The following COL26A1 variants were observed in gnomAD, a reference collection of about 807,000 sequenced individuals.
The protein encoded by COL26A1 is collagen type XXVI alpha 1 chain, also known as collagen alpha-1(XXVI) chain.
COL26A1 carries 41 observed loss-of-function variants against 59.3 expected under a neutral mutation model. That is an observed-to-expected ratio of 0.69 (90% CI 0.54 to 0.90). The LOEUF is 0.90. Ranked by LOEUF, COL26A1 falls within the 40% of genes least tolerant of loss-of-function variation. The probability of loss-of-function intolerance (pLI) is 0.00; values close to 1 mark genes in which losing one functional copy is unlikely to be tolerated. For synonymous variants in COL26A1, 266 were observed against 256.0 expected, an observed-to-expected ratio of 1.04 and a Z score of -0.37; for missense variants, 612 against 602.3, an observed-to-expected ratio of 1.02 and a Z score of -0.17.
intron 3 of COL26A1, 74 bp downstream of exon 3, chr7:101,447,861 C>A: frequency 1.2e-6 from 1 of 866,896 alleles, no homozygotes; most frequent in Non-Finnish European, 1.9e-6. Context: ...CTCTGGCCTC[C>A]TCCTGCAAGC....
At chr7:101,494,309 T>C (rs1794534818) in intron 3 of COL26A1, among the ~76,000 whole-genome samples, 1 of 152,060 alleles carries the variant, frequency 6.6e-6, no homozygotes, top group Non-Finnish European at 1.5e-5. Flanking sequence ...GTATTTTTAG[T>C]AGGGATAGGG....
intron 1 of COL26A1, among the ~76,000 whole-genome samples, chr7:101,382,926 C>T (rs1238689742): frequency 6.6e-6 from 1 of 152,170 alleles, no homozygotes; most frequent in Non-Finnish European, 1.5e-5. Flanking sequence ...CCTGTAATCC[C>T]AGCTACTCTG....
chr7:101,485,782 G>C (rs1794254914), intron 3 of COL26A1, among the ~76,000 whole-genome samples: 1 of 152,140 alleles, frequency 6.6e-6, no homozygotes, highest in Non-Finnish European at 1.5e-5. Flanking sequence ...GGAGGCAGAG[G>C]GCTGAGATGA....
intron 3 of COL26A1, among the ~76,000 whole-genome samples, chr7:101,510,581 C>G (rs1794901035): frequency 6.6e-6 from 1 of 152,140 alleles, no homozygotes; most frequent in Non-Finnish European, 1.5e-5. Context: ...GAGTCAGGCT[C>G]ACTGCAGCCT....
chr7:101,463,885 CTTTCTTTCTTTCTTTCTT>C lies in COL26A1; in HGVS notation c.385+16108_385+16125del, dbSNP rs755592145. On this transcript the variant is annotated intron_variant, in intron 3 of 12. Coordinates refer to ENST00000313669, the MANE Select transcript of COL26A1 (RefSeq NM_001278563.3). The stretch of plus-strand genomic sequence containing the variant: ...TCTTTTTTCTTTTCTTTCTTTCTTT[CTTTCTTTCTTTCTTTCTT>C]TTTCTTTCTCTCTTTCTTTCTTCTT... 3.9e-3 allele frequency among the ~76,000 whole-genome samples: 275 copies of C among 71,274 alleles called. 1 individual carries two copies. The highest frequency in any genetic ancestry group is 5.8e-3 in the Non-Finnish European group (218 of 37,358). 46.8% of individuals were successfully genotyped at this position (71,274 alleles called of 152,430 possible).
At chr7:101,427,297 A>G (rs1792671902) in intron 2 of COL26A1, among the ~76,000 whole-genome samples, 1 of 152,166 alleles carries the variant, frequency 6.6e-6, no homozygotes, top group South Asian at 2.1e-4. Flanking sequence ...TCCTGGCCTC[A>G]AGTGGCCATT....
intron 3 of COL26A1, among the ~76,000 whole-genome samples, chr7:101,476,621 C>T (rs1419954405): frequency 6.6e-6 from 1 of 151,278 alleles, no homozygotes; most frequent in Non-Finnish European, 1.5e-5. Context: ...GATCTCGGCT[C>T]ACTGCAAGCT....
At chr7:101,504,838 T>C (rs1467503004) in intron 3 of COL26A1, among the ~76,000 whole-genome samples, 5 of 152,108 alleles carry the variant, frequency 3.3e-5, no homozygotes, top group Non-Finnish European at 7.4e-5. Flanking sequence ...TGTGTGTGTG[T>C]ATGCCTGTGT....
At chr7:101,547,091 G>C in intron 7 of COL26A1, 65 bp from the exon 8 acceptor site, 1 of 1,221,608 alleles carries the variant, frequency 8.2e-7, no homozygotes, top group Non-Finnish European at 1.2e-6. Flanking sequence ...CAGTGCCCCG[G>C]ACCAGCCTCC....
intron 1 of COL26A1, among the ~76,000 whole-genome samples, chr7:101,385,244 TATATATAC>T (rs1791539467): frequency 6.9e-6 from 1 of 145,658 alleles, no homozygotes; most frequent in African/African-American, 2.5e-5. Context: ...TATATATATA[TATATATAC>T]ACACACACAC....
chr7:101,504,318 C>G (rs1404439939), intron 3 of COL26A1, among the ~76,000 whole-genome samples: 5 of 152,148 alleles, frequency 3.3e-5, no homozygotes, highest in Non-Finnish European at 7.3e-5. Context: ...CCAGGCTGCT[C>G]TCAAACTCCT....
chr7:101,401,969 G>A (rs1792018982), intron 1 of COL26A1, among the ~76,000 whole-genome samples: 1 of 152,098 alleles, frequency 6.6e-6, no homozygotes, highest in Admixed American at 6.6e-5. Context: ...AGGAAGAAAT[G>A]TCAGACTTGG....
chr7:101,394,962 C>T (rs746822186), intron 1 of COL26A1, among the ~76,000 whole-genome samples: 8 of 145,756 alleles, frequency 5.5e-5, no homozygotes, highest in Admixed American at 1.4e-4. Flanking sequence ...AAACCTCTGC[C>T]TCCCAGGTTA....
chr7:101,370,650 G>A (rs775338631), intron 1 of COL26A1, among the ~76,000 whole-genome samples: 28 of 152,288 alleles, frequency 1.8e-4, no homozygotes, highest in Non-Finnish European at 2.9e-4. Flanking sequence ...GGGATTACAG[G>A]CATGAGCCAC....
At chr7:101,506,192 T>A (rs1794809361) in intron 3 of COL26A1, among the ~76,000 whole-genome samples, 2 of 152,236 alleles carry the variant, frequency 1.3e-5, no homozygotes, top group Admixed American at 1.3e-4. Context: ...ATCAAAGACA[T>A]GCCTTTAACT....
intron 1 of COL26A1, among the ~76,000 whole-genome samples, chr7:101,368,341 C>T (rs927436114): frequency 2.6e-5 from 4 of 152,108 alleles, no homozygotes; most frequent in African/African-American, 9.7e-5. Context: ...CAGGCAGGCC[C>T]CCAAATTGGG....
intron 6 of COL26A1, among the ~76,000 whole-genome samples, chr7:101,544,367 A>G (rs1248863524): frequency 6.6e-6 from 1 of 152,054 alleles, no homozygotes; most frequent in Admixed American, 6.6e-5. Flanking sequence ...AGCTGGGATT[A>G]CAGGCATGCG....
At chr7:101,375,801 C>T (rs367724681) in intron 1 of COL26A1, among the ~76,000 whole-genome samples, 26 of 150,774 alleles carry the variant, frequency 1.7e-4, no homozygotes, top group African/African-American at 5.1e-4. Context: ...TCCTGGCTAA[C>T]ACGGTGAAAC....
intron 1 of COL26A1, among the ~76,000 whole-genome samples, chr7:101,404,522 A>G (rs1792083986): frequency 6.6e-6 from 1 of 152,210 alleles, no homozygotes; most frequent in African/African-American, 2.4e-5. Flanking sequence ...CAGGGGAGCC[A>G]GAAGTCCCAA....
Sources: allele counts gnomAD v4.1 joint callset (sites outside exome capture counted in the v4.1 genomes callset), GRCh38; gene constraint gnomAD v4.1.1; transcripts MANE v1.5; gene names NCBI Gene and HGNC (gene_info 2026-07-23, HGNC 2026-07-21).